Variants in FAM222A observed in about 807,000 individuals in gnomAD.
The protein encoded by FAM222A is family with sequence similarity 222 member A, also known as protein FAM222A.
A neutral mutation model predicts 25.8 loss-of-function variants in FAM222A; 7 were observed. The ratio of observed to expected loss-of-function variants is 0.27; its 90% CI spans 0.15 to 0.51. FAM222A has a LOEUF of 0.51. FAM222A is among the 20% of genes least tolerant of loss of function. The probability of loss-of-function intolerance (pLI) is 0.97; values close to 1 mark genes in which losing one functional copy is unlikely to be tolerated. For synonymous variants in FAM222A, 294 were observed against 298.8 expected (o/e 0.98, Z 0.17); for missense variants, 573 against 640.5 (o/e 0.89, Z 1.14).
rs73407770 is a variant in FAM222A, at chr12:109,749,003, T to C, written c.82+4775T>C. ...GAGCACTTCCGAGCTATATGTAGTA[T>C]TTTCATTATTATTATTTTCTAGATA... On this transcript the variant is annotated intron_variant, in intron 2 of 2. Coordinates refer to ENST00000538780, the MANE Select transcript of FAM222A (RefSeq NM_032829.3). 2.5e-3 allele frequency among the ~76,000 whole-genome samples: 385 copies of C among 152,256 alleles called. 5 individuals are homozygous for C. The highest frequency in any genetic ancestry group is 8.4e-3 in the African/African-American group (348 of 41,542).
At chr12:109,743,532 G>T (rs1267315203) in intron 1 of FAM222A, among the ~76,000 whole-genome samples, 1 of 152,218 alleles carries the variant, frequency 6.6e-6, no homozygotes, top group African/African-American at 2.4e-5. Context: ...CATGGATCAA[G>T]GTTCAAGAGC....
intron 2 of FAM222A, among the ~76,000 whole-genome samples, chr12:109,764,817 G>C (rs906934423): frequency 6.6e-6 from 1 of 152,194 alleles, no homozygotes; most frequent in Admixed American, 6.5e-5. Flanking sequence ...GTGGCGCTAA[G>C]TGCCCATGAA....
chr12:109,730,410 G>A (rs1232296963), intron 1 of FAM222A, among the ~76,000 whole-genome samples: 3 of 151,648 alleles, frequency 2.0e-5, no homozygotes, highest in Admixed American at 6.6e-5. Context: ...GGGGGGCGGG[G>A]GGGGGGGTTC....
intron 2 of FAM222A, among the ~76,000 whole-genome samples, chr12:109,748,734 GCT>G (rs947073769): frequency 1.6e-4 from 25 of 152,088 alleles, no homozygotes; most frequent in African/African-American, 5.8e-4. Flanking sequence ...TATATTTTGT[GCT>G]CTTTTTCCTG....
chr12:109,742,845 T>C (rs1888282306), intron 1 of FAM222A, among the ~76,000 whole-genome samples: 1 of 151,992 alleles, frequency 6.6e-6, no homozygotes, highest in South Asian at 2.1e-4. Context: ...ACAAGGAGCT[T>C]GTTGTGAAAT....
At chr12:109,724,324 A>G (rs1204778917) in intron 1 of FAM222A, among the ~76,000 whole-genome samples, 1 of 151,836 alleles carries the variant, frequency 6.6e-6, no homozygotes, top group East Asian at 1.9e-4. Flanking sequence ...CACAGTGTTC[A>G]TGGAAACATG....
chr12:109,748,354 T>TG (rs398021037), intron 2 of FAM222A, among the ~76,000 whole-genome samples: 2 of 137,532 alleles, frequency 1.5e-5, no homozygotes, highest in Non-Finnish European at 3.2e-5. Flanking sequence ...TTTTTTTTTT[T>TG]GGAACAATTT....
At chr12:109,715,938 G>A (rs1887634679) in intron 1 of FAM222A, among the ~76,000 whole-genome samples, 1 of 152,210 alleles carries the variant, frequency 6.6e-6, no homozygotes, top group African/African-American at 2.4e-5. Flanking sequence ...GGAAGGTGCA[G>A]AGGAGCTGCT....
chr12:109,761,546 A>G (rs982933883), intron 2 of FAM222A, among the ~76,000 whole-genome samples: 5 of 152,054 alleles, frequency 3.3e-5, no homozygotes, highest in African/African-American at 9.7e-5. Flanking sequence ...TTGTTCCTTC[A>G]CACCTTGGTT....
At chr12:109,749,428 TG>T (rs1265652477) in intron 2 of FAM222A, among the ~76,000 whole-genome samples, 2 of 152,098 alleles carry the variant, frequency 1.3e-5, no homozygotes, top group African/African-American at 2.4e-5. Flanking sequence ...TCTAGGGTGG[TG>T]GTAGTGTTTT....
At chr12:109,759,901 G>T (rs1888844059) in intron 2 of FAM222A, among the ~76,000 whole-genome samples, 1 of 152,204 alleles carries the variant, frequency 6.6e-6, no homozygotes, top group East Asian at 1.9e-4. Flanking sequence ...AACAGGATCT[G>T]CCCTAGAAGG....
chr12:109,756,190 A>C (rs1318974209), intron 2 of FAM222A, among the ~76,000 whole-genome samples: 1 of 152,042 alleles, frequency 6.6e-6, no homozygotes, highest in Non-Finnish European at 1.5e-5. Context: ...CGTCTTTTTG[A>C]TGCTGTTGTA....
At position 109,768,100 on chromosome 12, in the gene FAM222A, G is replaced by T. The variant is rs142027035; in HGVS notation, c.171G>T (p.Pro57=). The part of the protein sequence containing the change: ...DAYAEKVANS[P]LSIKIFPTNI... ...ATGCCGAGAAGGTGGCCAACAGCCC[G>T]CTGTCCATCAAGATCTTCCCCACCA... The change falls in exon 3 of 3, where the codon CCG becomes CCT. Residue 57 remains proline (P), a synonymous_variant. Coordinates refer to ENST00000538780, the MANE Select transcript of FAM222A (RefSeq NM_032829.3). 2.5e-6 allele frequency: 4 copies of T among 1,613,882 alleles called. No homozygotes were observed. The South Asian group carries it at 4.4e-5, about 18-fold the overall frequency.
At chr12:109,739,163 A>G (rs1223950860) in intron 1 of FAM222A, among the ~76,000 whole-genome samples, 5 of 152,214 alleles carry the variant, frequency 3.3e-5, no homozygotes, top group African/African-American at 7.2e-5. Context: ...CGGGGTCACA[A>G]TCTCAGGGCC....
In FAM222A at chr12:109,749,475, T is replaced by C. The variant is rs16940532; in HGVS notation, c.82+5247T>C. ...AGAATCTTGTCTACTATTTCTACTTTTTAGGAGTTTTTTGAAGCTTTCTTT... is the reference window on the plus strand; with the variant it reads ...AGAATCTTGTCTACTATTTCTACTTCTTAGGAGTTTTTTGAAGCTTTCTTT... On this transcript the variant is annotated intron_variant, in intron 2 of 2. Transcript: ENST00000538780. Among the ~76,000 whole-genome samples the C allele has an allele frequency of 0.023, 3,449 of 152,302 alleles. 276 individuals are homozygous for C. In the East Asian group the frequency reaches 0.31, roughly 14 times the overall value.
At chr12:109,727,317 C>T (rs778616533) in intron 1 of FAM222A, among the ~76,000 whole-genome samples, 7 of 152,054 alleles carry the variant, frequency 4.6e-5, no homozygotes, top group Non-Finnish European at 1.0e-4. Flanking sequence ...GTGTGCCTCT[C>T]GGAGGGGGAG....
In FAM222A at chr12:109,713,964, GGCGAGGCGCCGGCGCGCGCCAGACGGC is replaced by G. The variant is rs1168992109; in HGVS notation, c.-972_-946del. ...CGCGCGGCACCCGGGCCTGAGACCA[GGCGAGGCGCCGGCGCGCGCCAGACGGC>G]GCGAGGCTGCGGCCCCGGGAGCCCC... On this transcript the variant is annotated 5_prime_UTR_variant, in exon 1 of 3. Coordinates refer to ENST00000538780, the MANE Select transcript of FAM222A (RefSeq NM_032829.3). Among the ~76,000 whole-genome samples the G allele has an allele frequency of 6.8e-6, 1 of 145,996 alleles. No homozygotes were observed. The highest frequency in any genetic ancestry group is 2.5e-5 in the African/African-American group (1 of 40,730).
chr12:109,748,406 TAG>T (rs1298305207), intron 2 of FAM222A, among the ~76,000 whole-genome samples: 4 of 140,772 alleles, frequency 2.8e-5, no homozygotes, highest in Admixed American at 2.3e-4. Flanking sequence ...ATGAAGAAAA[TAG>T]AGGCTTTCCT....
At position 109,769,675 on chromosome 12, in the gene FAM222A, C is replaced by T; in HGVS notation, c.*387C>T. The T allele has an allele frequency of 4.3e-6, 1 of 231,386 alleles. No individual in the cohort carries two copies. Among genetic ancestry groups the T allele is most frequent in the Non-Finnish European group, 8.4e-6 (1 of 118,646 alleles). 14.3% of individuals were successfully genotyped at this position (231,386 alleles called of 1,614,324 possible). Reference sequence around the variant, plus strand: ...CAGGAGGAAACAGGCGCACCAGAGTCAGGGTGGGGGCAGGGCAGCCCCCCC... The same window carrying T: ...CAGGAGGAAACAGGCGCACCAGAGTTAGGGTGGGGGCAGGGCAGCCCCCCC... On this transcript the variant is annotated 3_prime_UTR_variant, in exon 3 of 3. Coordinates refer to ENST00000538780, the MANE Select transcript of FAM222A (RefSeq NM_032829.3).
Sources: gnomAD v4.1 joint callset for allele counts (sites outside exome capture counted in the v4.1 genomes callset) on GRCh38, gnomAD v4.1.1 for gene constraint, MANE v1.5 for transcripts, NCBI Gene and HGNC (gene_info 2026-07-23, HGNC 2026-07-21) for gene names.